Variants in SPTSSA observed in about 807,000 individuals in gnomAD.
The protein encoded by SPTSSA is serine palmitoyltransferase small subunit A.
A neutral mutation model predicts 9.1 loss-of-function variants in SPTSSA; 8 were observed. That is an observed-to-expected ratio of 0.88 (90% confidence interval 0.51 to 1.58). The LOEUF (loss-of-function observed/expected upper bound fraction) is 1.58. SPTSSA is among the 40% of genes most tolerant of loss of function. The pLI, the probability that SPTSSA is intolerant of heterozygous loss-of-function variation, is 0.00. For synonymous variants in SPTSSA, 42 were observed against 37.7 expected, an observed-to-expected ratio of 1.11 and a Z score of -0.41; for missense variants, 100 against 93.8, an observed-to-expected ratio of 1.07 and a Z score of -0.27.
Position 34,462,076 on chromosome 14 carries a change from G to T in SPTSSA, c.112+20C>A, listed in dbSNP as rs115950839. The T allele has an allele frequency of 1.8e-4, 246 of 1,359,762 alleles. 2 individuals are homozygous for T. In the African/African-American group the frequency reaches 3.6e-3, roughly 20 times the overall value. The allele number at this position is 1,359,762 out of a possible 1,614,324, so 84.2% of individuals were successfully genotyped here. A position where few individuals can be genotyped will look rare whatever the true frequency, so the allele number is the denominator to read the frequency against. ...CGCGCCCCCAGCCCGGCCCCCGCGC[G>T]CGCGGCCGGGACAGGATACTGAACA... On this transcript the variant is annotated intron_variant, in intron 1 of 1. Coordinates refer to ENST00000298130, the MANE Select transcript of SPTSSA (RefSeq NM_138288.4).
chr14:34,461,576 T>C (rs958995527), intron 1 of SPTSSA, among the ~76,000 whole-genome samples: 6 of 152,158 alleles, frequency 3.9e-5, no homozygotes, highest in African/African-American at 1.4e-4. Flanking sequence ...TTAAACTGCT[T>C]TCAAAAACTA....
At chr14:34,447,079 C>T (rs149308604) in intron 1 of SPTSSA, among the ~76,000 whole-genome samples, 3,292 of 151,838 alleles carry the variant, frequency 0.022, 52 homozygotes, top group Middle Eastern at 0.034. Flanking sequence ...CAAAAATTAG[C>T]CGGCCGTGGT....
At chr14:34,438,972 C>T (rs913805613) in intron 1 of SPTSSA, among the ~76,000 whole-genome samples, 1 of 152,112 alleles carries the variant, frequency 6.6e-6, no homozygotes, top group Admixed American at 6.5e-5. Context: ...ATCTTAGGAT[C>T]CACAGAAGTA....
At position 34,434,507 on chromosome 14, in the gene SPTSSA, A is replaced by G. The variant is rs1201820071; in HGVS notation, c.*694T>C. On this transcript the variant is annotated 3_prime_UTR_variant, in exon 2 of 2. Transcript: ENST00000298130. The stretch of plus-strand genomic sequence containing the variant: ...ACCTTTTGTCTCAAGAATTATCACC[A>G]AAGTTTTCTGGAAATAAGTCCACAT... 1 of 152,650 alleles carries G rather than the reference A, an allele frequency of 6.6e-6. No individual in the cohort carries two copies. The highest frequency in any genetic ancestry group is 1.9e-4 in the East Asian group (1 of 5,202). The allele number at this position is 152,650 out of a possible 1,614,324, so 9.5% of individuals were successfully genotyped here. A position where few individuals can be genotyped will look rare whatever the true frequency, so the allele number is the denominator to read the frequency against.
chr14:34,456,150 G>A (rs1594626186), intron 1 of SPTSSA, among the ~76,000 whole-genome samples: 1 of 151,700 alleles, frequency 6.6e-6, no homozygotes, highest in Non-Finnish European at 1.5e-5. Flanking sequence ...GTGAAACCCC[G>A]TCTCTACTAA....
At chr14:34,455,034 C>G (rs147628391) in intron 1 of SPTSSA, among the ~76,000 whole-genome samples, 2,819 of 151,586 alleles carry the variant, frequency 0.019, 88 homozygotes, top group African/African-American at 0.063. Flanking sequence ...CTACAGTGAC[C>G]CAAGATTGCG....
rs1465930630 is a variant in SPTSSA, at chr14:34,435,224, G to C, written c.193C>G (p.His65Asp). 1.2e-6 allele frequency: 2 copies of C among 1,613,640 alleles called. No individual in the cohort carries two copies. Among genetic ancestry groups the C allele is most frequent in the South Asian group, 2.2e-5 (2 of 91,000 alleles). The stretch of plus-strand genomic sequence containing the variant: ...GGTCATTGTACGATTTCAAAGTAGT[G>C]CAATATCGCCATGATGTGCTGGGGC... ...FMPQHIMAIL[H>D]YFEIVQ Residue 65 changes from histidine (H) to aspartate (D), a missense_variant, in exon 2 of 2, where the codon CAC becomes GAC. By Grantham distance (81) the His-to-Asp change is moderately conservative (BLOSUM62 -1). Coordinates refer to ENST00000298130, the MANE Select transcript of SPTSSA (RefSeq NM_138288.4).
chr14:34,448,526 ATGACTT>A (rs1394460988), intron 1 of SPTSSA, among the ~76,000 whole-genome samples: 6 of 152,124 alleles, frequency 3.9e-5, no homozygotes, highest in Non-Finnish European at 8.8e-5. Context: ...GGCCAAGTAA[ATGACTT>A]TGTAACTTTA....
At chr14:34,442,036 C>T (rs112633293) in intron 1 of SPTSSA, among the ~76,000 whole-genome samples, 13,688 of 151,988 alleles carry the variant, frequency 0.09, 1,293 homozygotes, top group African/African-American at 0.23. Context: ...CCACCATGCC[C>T]GGCTAATTTT....
At chr14:34,462,007 CTCCA>C (rs1878628138) in intron 1 of SPTSSA, 85 bp downstream of exon 1, 1 of 990,420 alleles carries the variant, frequency 1.0e-6, no homozygotes, top group Admixed American at 5.0e-5. Context: ...CCGCTCCAGC[CTCCA>C]CCCCAGGCCC....
chr14:34,456,753 G>C (rs768253288), intron 1 of SPTSSA, among the ~76,000 whole-genome samples: 4 of 151,590 alleles, frequency 2.6e-5, no homozygotes, highest in Non-Finnish European at 4.4e-5. Flanking sequence ...ATAAAAATTA[G>C]CCGGGCGTGG....
chr14:34,446,109 A>G (rs1883415097), intron 1 of SPTSSA, among the ~76,000 whole-genome samples: 1 of 152,210 alleles, frequency 6.6e-6, no homozygotes, highest in South Asian at 2.1e-4. Flanking sequence ...CAGGTAAAAA[A>G]AGCTTTTTAT....
chr14:34,461,836 G>A (rs1416620485), intron 1 of SPTSSA, among the ~76,000 whole-genome samples: 1 of 152,096 alleles, frequency 6.6e-6, no homozygotes, highest in Admixed American at 6.5e-5. Flanking sequence ...TTTCCTCCAG[G>A]AATCAAGACG....
At chr14:34,447,977 G>A (rs1883451382) in intron 1 of SPTSSA, among the ~76,000 whole-genome samples, 1 of 148,676 alleles carries the variant, frequency 6.7e-6, no homozygotes, top group Non-Finnish European at 1.5e-5. Context: ...CCTGCTGGCA[G>A]GGCATGGTGG....
chr14:34,455,757 C>A (rs1883608741), intron 1 of SPTSSA, among the ~76,000 whole-genome samples: 1 of 151,416 alleles, frequency 6.6e-6, no homozygotes. Flanking sequence ...CATGGTGAAA[C>A]CCCGTCTCCA....
chr14:34,440,750 G>A (rs1883303225), intron 1 of SPTSSA, among the ~76,000 whole-genome samples: 1 of 151,938 alleles, frequency 6.6e-6, no homozygotes, highest in Non-Finnish European at 1.5e-5. Context: ...GTGTGGTGGC[G>A]CATGCCTGTA....
chr14:34,452,885 G>A (rs1883552760), intron 1 of SPTSSA, among the ~76,000 whole-genome samples: 1 of 152,082 alleles, frequency 6.6e-6, no homozygotes, highest in Non-Finnish European at 1.5e-5. Flanking sequence ...TCATCATTTA[G>A]GGGAGCAGAT....
intron 1 of SPTSSA, among the ~76,000 whole-genome samples, chr14:34,457,970 G>GAAAAA (rs1566427256): frequency 6.0e-5 from 5 of 83,362 alleles, no homozygotes; most frequent in Non-Finnish European, 7.2e-5. Context: ...AGACTGTCTC[G>GAAAAA]GAAAAAAAAA....
Position 34,446,984 on chromosome 14 carries a change from G to C in SPTSSA, c.113-11680C>G, listed in dbSNP as rs532069470. Among the ~76,000 whole-genome samples the C allele has an allele frequency of 6.5e-4, 99 of 152,056 alleles. 1 individual carries two copies. In the South Asian group the frequency reaches 0.019, roughly 30 times the overall value. On this transcript the variant is annotated intron_variant, in intron 1 of 1. Transcript: ENST00000298130. Reference sequence around the variant, plus strand: ...CACACCTGTAATCACAGCACTTTGAGAGGCCGAGGCAGGTGGATTACCTGA... The same window carrying C: ...CACACCTGTAATCACAGCACTTTGACAGGCCGAGGCAGGTGGATTACCTGA...
Sources: gnomAD v4.1 joint callset for allele counts (sites outside exome capture counted in the v4.1 genomes callset) on GRCh38, gnomAD v4.1.1 for gene constraint, MANE v1.5 for transcripts, NCBI Gene and HGNC (gene_info 2026-07-23, HGNC 2026-07-21) for gene names.